The following TUFT1 variants were observed in gnomAD, a reference collection of about 807,000 sequenced individuals.
The protein encoded by TUFT1 is tuftelin.
A neutral mutation model predicts 57.8 loss-of-function variants in TUFT1; 43 were observed. The observed-to-expected ratio is 0.74, with a 90% CI of 0.58 to 0.96. TUFT1 has a LOEUF of 0.96. TUFT1 is among the 40% of genes least tolerant of loss of function. The probability of loss-of-function intolerance (pLI) is 0.00; values close to 1 mark genes in which losing one functional copy is unlikely to be tolerated. For missense variants in TUFT1, 459 were observed against 489.0 expected (o/e 0.94, Z 0.58); for synonymous variants, 166 against 176.7 (o/e 0.94, Z 0.48).
In TUFT1 at chr1:151,557,792, C is replaced by CA. The variant is rs1665754596; in HGVS notation, c.61-4298dup. The CA allele has an allele frequency of 3.9e-6, 3 of 760,394 alleles. No individual in the cohort carries two copies. The Admixed American group carries it at 5.1e-5, about 13-fold the overall frequency. The allele number at this position is 760,394 out of a possible 1,614,324, so 47.1% of individuals were successfully genotyped here. A position where few individuals can be genotyped will look rare whatever the true frequency, so the allele number is the denominator to read the frequency against. Reference sequence around the variant, plus strand: ...TGAAGGGTGAGCGACCTGCAAGACTCACAAGAGGGAAAGCGGACAGAGATA... The same window carrying CA: ...TGAAGGGTGAGCGACCTGCAAGACTCAACAAGAGGGAAAGCGGACAGAGATA... On this transcript the variant is annotated intron_variant, in intron 1 of 12. Coordinates refer to ENST00000368849, the MANE Select transcript of TUFT1 (RefSeq NM_020127.3).
At chr1:151,569,445 G>A (rs888442610) in intron 6 of TUFT1, among the ~76,000 whole-genome samples, 11 of 152,192 alleles carry the variant, frequency 7.2e-5, no homozygotes, top group African/African-American at 2.7e-4. Flanking sequence ...GAGGCTAGCA[G>A]GGTTCTTTAG....
At chr1:151,567,094 A>T (rs1666110159) in intron 6 of TUFT1, among the ~76,000 whole-genome samples, 1 of 152,182 alleles carries the variant, frequency 6.6e-6, no homozygotes, top group South Asian at 2.1e-4. Context: ...TAATTTTTGT[A>T]GAGATGGGGT....
intron 1 of TUFT1, chr1:151,557,512 A>T (rs750131795): frequency 1.4e-5 from 19 of 1,383,900 alleles, no homozygotes; most frequent in Non-Finnish European, 1.9e-5. Flanking sequence ...CATGGTGGCC[A>T]AGAAGGATGT....
rs1450624096 is a variant in TUFT1 at position 151,540,372 on chromosome 1, C to T, written c.6C>T (p.Asn2=). ...TGCTGCGACCCCGAGGGAAGATGAACGGGACGCGGAACTGGTGTACCCTGG... is the reference window on the plus strand; with the variant it reads ...TGCTGCGACCCCGAGGGAAGATGAATGGGACGCGGAACTGGTGTACCCTGG... The part of the protein sequence containing the change: M[N]GTRNWCTLVD... The change falls in exon 1 of 13, where the codon AAC becomes AAT. Residue 2 remains asparagine (N), a synonymous_variant. Transcript: ENST00000368849. 6.2e-7 allele frequency: 1 copy of T among 1,614,100 alleles called. No homozygotes were observed. The highest frequency in any genetic ancestry group is 2.2e-5 in the East Asian group (1 of 44,864).
At chr1:151,565,496 A>G (rs1046810756) in intron 5 of TUFT1, among the ~76,000 whole-genome samples, 10 of 152,196 alleles carry the variant, frequency 6.6e-5, no homozygotes, top group Non-Finnish European at 1.5e-4. Context: ...GGTGGAAATT[A>G]CCTAATTTTT....
intron 1 of TUFT1, among the ~76,000 whole-genome samples, chr1:151,544,353 G>T (rs753421305): frequency 6.6e-6 from 1 of 151,694 alleles, no homozygotes; most frequent in African/African-American, 2.4e-5. Context: ...CTGGGGTGCG[G>T]TGGCACAATC....
chr1:151,540,739 C>A, intron 1 of TUFT1: 8 of 384,882 alleles, frequency 2.1e-5, no homozygotes, highest in East Asian at 5.8e-5. Context: ...TGGGCAGCCA[C>A]ATTGGGTCAT....
intron 1 of TUFT1, among the ~76,000 whole-genome samples, chr1:151,549,367 G>C (rs915362627): frequency 1.3e-5 from 2 of 152,196 alleles, no homozygotes; most frequent in African/African-American, 4.8e-5. Context: ...TGCAGGCCGA[G>C]GTCTGTGGCC....
chr1:151,582,192 C>G lies in TUFT1; in HGVS notation c.*485C>G, dbSNP rs779098046. ...TAGCAACAAACTGTTTGTTTTTCTA[C>G]TTGCTCCATCTGCAGCCTACGCTGC... On this transcript the variant is annotated 3_prime_UTR_variant, in exon 13 of 13. Transcript: ENST00000368849. 2.0e-5 allele frequency: 9 copies of G among 456,702 alleles called. No homozygotes were observed. Among genetic ancestry groups the G allele is most frequent in the Non-Finnish European group, 4.0e-5 (9 of 227,314 alleles). The allele number at this position is 456,702 out of a possible 1,614,324, so 28.3% of individuals were successfully genotyped here.
intron 7 of TUFT1, 150 bp downstream of exon 7, chr1:151,569,920 T>C: frequency 1.5e-6 from 1 of 653,632 alleles, no homozygotes; most frequent in African/African-American, 1.8e-5. Context: ...GCTTGTCTGC[T>C]TTTCCCTCTC....
At position 151,564,512 on chromosome 1, in the gene TUFT1, C is replaced by A; in HGVS notation, c.325-13C>A. ...CTACCCTAAAGCTCAAGTTTCTTCC[C>A]CTCCCCTCCCAGGCCAGGAACTGCC... On this transcript the variant is annotated splice_polypyrimidine_tract_variant and intron_variant, in intron 4 of 12. Coordinates refer to ENST00000368849, the MANE Select transcript of TUFT1 (RefSeq NM_020127.3). 1 of 1,609,694 alleles carries A rather than the reference C, an allele frequency of 6.2e-7. No homozygotes were observed. The highest frequency in any genetic ancestry group is 1.1e-5 in the South Asian group (1 of 90,794).
chr1:151,579,222 A>G (rs1351425728), intron 10 of TUFT1, among the ~76,000 whole-genome samples: 1 of 152,172 alleles, frequency 6.6e-6, no homozygotes, highest in African/African-American at 2.4e-5. Context: ...GTCTATTTGC[A>G]GAATTGTTTT....
At chr1:151,576,618 T>TA (rs1422964547) in intron 9 of TUFT1, among the ~76,000 whole-genome samples, 1 of 152,168 alleles carries the variant, frequency 6.6e-6, no homozygotes, top group Non-Finnish European at 1.5e-5. Flanking sequence ...AGAACTCAGG[T>TA]AAACATTTTC....
rs1431530282 is a variant in TUFT1 at position 151,578,722 on chromosome 1, G to A, written c.820G>A (p.Ala274Thr). Residue 274 changes from alanine (A) to threonine (T), a missense_variant and splice_region_variant, in exon 10 of 13, where the codon GCT becomes ACT. By Grantham distance (58) the Ala-to-Thr change is moderately conservative. Transcript: ENST00000368849. Reference sequence around the variant, plus strand: ...CAGCCTTCTGGTCTTTATCCCCAGGGCTGCTACCCTGGAAAAGGAAGTGGC... The same window carrying A: ...CAGCCTTCTGGTCTTTATCCCCAGGACTGCTACCCTGGAAAAGGAAGTGGC... ...NADCQAEREK[A>T]ATLEKEVAGL... The A allele has an allele frequency of 1.9e-6, 3 of 1,560,750 alleles. No homozygotes were observed. The highest frequency in any genetic ancestry group is 2.6e-6 in the Non-Finnish European group (3 of 1,151,256).
chr1:151,562,542 C>A (rs775186008), intron 2 of TUFT1, 43 bp from the exon 3 acceptor site: 7 of 1,366,782 alleles, frequency 5.1e-6, no homozygotes, highest in Non-Finnish European at 7.2e-6. Flanking sequence ...GGTGTCTGAG[C>A]CATCTCTCTC....
At chr1:151,560,155 C>T (rs1411285454) in intron 1 of TUFT1, among the ~76,000 whole-genome samples, 6 of 151,288 alleles carry the variant, frequency 4.0e-5, no homozygotes, top group Admixed American at 1.3e-4. Flanking sequence ...CGGTGGCTCA[C>T]GCCTGTAATC....
intron 4 of TUFT1, among the ~76,000 whole-genome samples, chr1:151,564,211 G>A (rs992955594): frequency 6.6e-6 from 1 of 152,074 alleles, no homozygotes; most frequent in Non-Finnish European, 1.5e-5. Flanking sequence ...CACTGTCCCA[G>A]CCACCTATCG....
intron 9 of TUFT1, among the ~76,000 whole-genome samples, chr1:151,578,207 G>A (rs1158244508): frequency 6.6e-6 from 1 of 152,102 alleles, no homozygotes; most frequent in Non-Finnish European, 1.5e-5. Flanking sequence ...GTTGCTTCTA[G>A]ATTTACCCTC....
chr1:151,580,258 T>C (rs556524232), intron 11 of TUFT1, among the ~76,000 whole-genome samples: 9 of 152,222 alleles, frequency 5.9e-5, no homozygotes, highest in Admixed American at 2.0e-4. Context: ...TTTAGAGAGT[T>C]TGCAGTCTAT....
Sources: gnomAD v4.1 joint callset for allele counts (sites outside exome capture counted in the v4.1 genomes callset) on GRCh38, gnomAD v4.1.1 for gene constraint, MANE v1.5 for transcripts, NCBI Gene and HGNC (gene_info 2026-07-23, HGNC 2026-07-21) for gene names.